SFMBT2: variants seen among roughly 807,000 people sequenced by gnomAD.
SFMBT2 encodes the protein Scm like with four mbt domains 2, also known as scm-like with four MBT domains protein 2.
In SFMBT2, 38 loss-of-function variants were observed where a neutral mutation model predicts 110.1. The ratio of observed to expected loss-of-function variants is 0.35; its 90% CI spans 0.27 to 0.45. The LOEUF is 0.45. Ranked by LOEUF, SFMBT2 falls within the 20% of genes least tolerant of loss-of-function variation. SFMBT2 has a pLI of 1.00. For missense variants in SFMBT2, 1,011 were observed against 1,094.9 expected (o/e 0.92, Z 1.08); for synonymous variants, 425 against 425.4 (o/e 1.00, Z 0.01).
intron 9 of SFMBT2, among the ~76,000 whole-genome samples, chr10:7,240,930 T>C (rs963934149): frequency 6.6e-6 from 1 of 152,220 alleles, no homozygotes; most frequent in Non-Finnish European, 1.5e-5. Context: ...CATTCTTGAA[T>C]GATATGGTTT....
chr10:7,279,237 C>T lies in SFMBT2; in HGVS notation c.773-2248G>A, dbSNP rs576563782. On this transcript the variant is annotated intron_variant, in intron 6 of 20. Transcript: ENST00000397167. ...TGCACGCTGGCCCAGGAAGGCAGAC[C>T]AACCAAGTCATCCCTGAAAAATGAA... 3.9e-5 allele frequency among the ~76,000 whole-genome samples: 6 copies of T among 152,306 alleles called. No individual in the cohort carries two copies. In the East Asian group the frequency reaches 1.2e-3, roughly 29 times the overall value.
At chr10:7,194,587 C>T (rs889797030) in intron 15 of SFMBT2, among the ~76,000 whole-genome samples, 5 of 152,208 alleles carry the variant, frequency 3.3e-5, no homozygotes, top group Non-Finnish European at 5.9e-5. Flanking sequence ...TCCATTACCT[C>T]GTTCTCTTTA....
At chr10:7,242,565 A>T (rs1355683873) in intron 9 of SFMBT2, among the ~76,000 whole-genome samples, 1 of 152,262 alleles carries the variant, frequency 6.6e-6, no homozygotes. Context: ...CCATGACTGC[A>T]CAACTTTAAC....
intron 16 of SFMBT2, among the ~76,000 whole-genome samples, chr10:7,181,361 CT>C (rs1226545060): frequency 6.6e-6 from 1 of 151,552 alleles, no homozygotes; most frequent in Non-Finnish European, 1.5e-5. Flanking sequence ...ATTCCAAAAG[CT>C]GAAAAAAGAT....
intron 16 of SFMBT2, chr10:7,176,385 C>T (rs145477764): frequency 3.0e-5 from 23 of 778,608 alleles, no homozygotes; most frequent in African/African-American, 1.3e-4. Context: ...CCAGAATCCA[C>T]TTCCATAAAC....
intron 11 of SFMBT2, among the ~76,000 whole-genome samples, chr10:7,213,257 A>G (rs1839413170): frequency 6.6e-6 from 1 of 152,200 alleles, no homozygotes; most frequent in African/African-American, 2.4e-5. Flanking sequence ...AAAAAAAATT[A>G]AGAAAAAAAA....
intron 9 of SFMBT2, among the ~76,000 whole-genome samples, chr10:7,236,998 C>T (rs944397100): frequency 6.6e-6 from 1 of 152,188 alleles, no homozygotes; most frequent in African/African-American, 2.4e-5. Context: ...GTGATCAGGA[C>T]CACCTCACTG....
intron 4 of SFMBT2, among the ~76,000 whole-genome samples, chr10:7,365,099 A>G (rs1844848855): frequency 6.6e-6 from 1 of 152,220 alleles, no homozygotes; most frequent in Non-Finnish European, 1.5e-5. Flanking sequence ...AGATGTTACC[A>G]AAAGCATGAG....
chr10:7,203,660 A>C, intron 12 of SFMBT2: 1 of 983,874 alleles, frequency 1.0e-6, no homozygotes, highest in Non-Finnish European at 1.2e-6. Context: ...CCAGGACAAC[A>C]CTCAGGTTGG....
At chr10:7,205,503 T>G (rs1301900143) in intron 12 of SFMBT2, 104 of 978,786 alleles carry the variant, frequency 1.1e-4, no homozygotes, top group Non-Finnish European at 1.2e-4. Context: ...CACAATAATA[T>G]AGTATCTAAC....
intron 4 of SFMBT2, among the ~76,000 whole-genome samples, chr10:7,308,840 A>T (rs117190794): frequency 6.5e-4 from 99 of 152,338 alleles, no homozygotes; most frequent in Non-Finnish European, 1.1e-3. Context: ...CACAGTAAAC[A>T]ATCAACTGAT....
intron 4 of SFMBT2, among the ~76,000 whole-genome samples, chr10:7,333,320 C>T (rs780696640): frequency 1.3e-5 from 2 of 151,774 alleles, no homozygotes; most frequent in Non-Finnish European, 2.9e-5. Flanking sequence ...GGTTTAAGGA[C>T]ACACCATAAT....
chr10:7,234,133 C>T (rs1003315334), intron 9 of SFMBT2, among the ~76,000 whole-genome samples: 3 of 152,192 alleles, frequency 2.0e-5, no homozygotes, highest in Non-Finnish European at 4.4e-5. Flanking sequence ...TTCCTTGATA[C>T]TGGTCTTTAA....
chr10:7,171,500 T>C lies in SFMBT2; in HGVS notation c.2415+395A>G, dbSNP rs993651995. 1.0e-6 allele frequency: 1 copy of C among 985,220 alleles called. No individual in the cohort carries two copies. The highest frequency in any genetic ancestry group is 1.2e-6 in the Non-Finnish European group (1 of 829,902). The allele number at this position is 985,220 out of a possible 1,614,324, so 61.0% of individuals were successfully genotyped here. Reference sequence around the variant, plus strand: ...GCTAGGGGAGACCTGAAACACTGATTAAATATTTTAAAACATCACAGAGGT... The same window carrying C: ...GCTAGGGGAGACCTGAAACACTGATCAAATATTTTAAAACATCACAGAGGT... On this transcript the variant is annotated intron_variant, in intron 19 of 20. Transcript: ENST00000397167. This position sits in a 1 kb window ranked among gnomAD's most constrained non-coding sequence, Gnocchi z 4.9.
intron 20 of SFMBT2, chr10:7,164,541 G>C (rs1313278526): frequency 1.4e-6 from 1 of 719,628 alleles, no homozygotes; most frequent in Non-Finnish European, 1.7e-6. Context: ...CCCTTGCTGG[G>C]AGGGCAAGTC....
At chr10:7,274,118 G>C (rs575643108) in intron 7 of SFMBT2, among the ~76,000 whole-genome samples, 1 of 152,170 alleles carries the variant, frequency 6.6e-6, no homozygotes, top group Non-Finnish European at 1.5e-5. Flanking sequence ...ATTTCTAAGG[G>C]ATGTGACCTC....
chr10:7,210,922 G>T (rs936262220), intron 11 of SFMBT2, among the ~76,000 whole-genome samples: 3 of 152,158 alleles, frequency 2.0e-5, no homozygotes, highest in East Asian at 1.9e-4. Context: ...GAGTATGGGG[G>T]GGGTGTGGGG....
At chr10:7,207,975 G>GA (rs1283661835) in intron 11 of SFMBT2, among the ~76,000 whole-genome samples, 1 of 152,178 alleles carries the variant, frequency 6.6e-6, no homozygotes, top group Non-Finnish European at 1.5e-5. Context: ...GTAATTTAAA[G>GA]AATATAGAAT....
chr10:7,317,641 C>CTAAAAAA (rs1843057294), intron 4 of SFMBT2, among the ~76,000 whole-genome samples: 1 of 92,848 alleles, frequency 1.1e-5, no homozygotes, highest in Non-Finnish European at 2.0e-5. Flanking sequence ...AACTCCGTCT[C>CTAAAAAA]AAAAAAAAAA....
Sources: allele counts gnomAD v4.1 joint callset (sites outside exome capture counted in the v4.1 genomes callset), GRCh38; gene constraint gnomAD v4.1.1; non-coding constraint Gnocchi (gnomAD v3.1); transcripts MANE v1.5; gene names NCBI Gene and HGNC (gene_info 2026-07-23, HGNC 2026-07-21).